The following XPR1 variants were observed in gnomAD, a reference collection of about 807,000 sequenced individuals.
XPR1 encodes the protein solute carrier family 53 member 1.
In XPR1, 28 loss-of-function variants were observed where a neutral mutation model predicts 87.5. The ratio of observed to expected loss-of-function variants is 0.32; its 90% CI spans 0.24 to 0.44. The LOEUF is 0.44. XPR1 is among the 20% of genes least tolerant of loss of function. The pLI is 1.00. For missense variants in XPR1, 559 were observed against 862.3 expected, an observed-to-expected ratio of 0.65 and a Z score of 4.41; for synonymous variants, 300 against 306.1, an observed-to-expected ratio of 0.98 and a Z score of 0.21.
chr1:180,670,275 C>G (rs1557948858), intron 1 of XPR1, among the ~76,000 whole-genome samples: 1 of 152,006 alleles, frequency 6.6e-6, no homozygotes, highest in Admixed American at 6.5e-5. Flanking sequence ...TTCCAATTTT[C>G]TATATTCTTT....
At chr1:180,691,074 A>G (rs1374912170) in intron 2 of XPR1, among the ~76,000 whole-genome samples, 1 of 152,020 alleles carries the variant, frequency 6.6e-6, no homozygotes, top group Non-Finnish European at 1.5e-5. Context: ...GATGACACAT[A>G]CGGTATTTTT....
chr1:180,752,619 T>C (rs1003077879), intron 2 of XPR1, among the ~76,000 whole-genome samples: 2 of 152,152 alleles, frequency 1.3e-5, no homozygotes, highest in African/African-American at 2.4e-5. Flanking sequence ...TACATCTTGT[T>C]TGGGGTGAAG....
chr1:180,738,403 A>G (rs1205042816), intron 2 of XPR1, among the ~76,000 whole-genome samples: 1 of 152,200 alleles, frequency 6.6e-6, no homozygotes, highest in East Asian at 1.9e-4. Context: ...GTTGCTCTGT[A>G]TCTTTATCAT....
intron 2 of XPR1, among the ~76,000 whole-genome samples, chr1:180,748,469 A>G (rs1289099668): frequency 3.6e-5 from 4 of 109,644 alleles, no homozygotes; most frequent in African/African-American, 1.4e-4. Flanking sequence ...ACCAGGCTGG[A>G]GTGCAATGGC....
chr1:180,757,822 T>G (rs937521705), intron 2 of XPR1, among the ~76,000 whole-genome samples: 4 of 147,924 alleles, frequency 2.7e-5, no homozygotes, highest in African/African-American at 1.0e-4. Context: ...CCTCACTGTC[T>G]TTTTGCTTAT....
At chr1:180,768,909 A>G (rs567724087) in intron 2 of XPR1, among the ~76,000 whole-genome samples, 50 of 152,318 alleles carry the variant, frequency 3.3e-4, no homozygotes, top group African/African-American at 1.0e-3. Flanking sequence ...CATTTATTGA[A>G]GGATGTTATG....
intron 2 of XPR1, among the ~76,000 whole-genome samples, chr1:180,684,645 G>C (rs540568947): frequency 6.6e-6 from 1 of 151,900 alleles, no homozygotes; most frequent in African/African-American, 2.4e-5. Context: ...CCATTTTTTT[G>C]TATCCTCTTT....
intron 3 of XPR1, among the ~76,000 whole-genome samples, chr1:180,800,935 A>C (rs937600918): frequency 6.6e-6 from 1 of 152,160 alleles, no homozygotes; most frequent in Non-Finnish European, 1.5e-5. Context: ...ACTAATATCA[A>C]GTATTTGGCC....
At chr1:180,632,665 G>A (rs1014513286) in intron 1 of XPR1, among the ~76,000 whole-genome samples, 10 of 152,216 alleles carry the variant, frequency 6.6e-5, no homozygotes, top group Non-Finnish European at 1.0e-4. Context: ...CCCCACCCTG[G>A]GCGAGCGCCC....
At chr1:180,637,750 C>T (rs1654833413) in intron 1 of XPR1, among the ~76,000 whole-genome samples, 5 of 152,160 alleles carry the variant, frequency 3.3e-5, no homozygotes, top group Admixed American at 3.3e-4. Context: ...GACAGGGCTT[C>T]ACCATGTTGG....
At chr1:180,640,884 T>TA (rs1461689549) in intron 1 of XPR1, among the ~76,000 whole-genome samples, 1 of 152,192 alleles carries the variant, frequency 6.6e-6, no homozygotes, top group Non-Finnish European at 1.5e-5. Context: ...CATGGAATGT[T>TA]AGACTTGTAA....
chr1:180,771,832 G>A (rs1019434812), intron 2 of XPR1, among the ~76,000 whole-genome samples: 1 of 152,046 alleles, frequency 6.6e-6, no homozygotes, highest in Non-Finnish European at 1.5e-5. Flanking sequence ...TTTATTGGTA[G>A]TATTAACCTT....
intron 1 of XPR1, among the ~76,000 whole-genome samples, chr1:180,644,512 T>C (rs762821417): frequency 3.9e-5 from 6 of 152,118 alleles, no homozygotes; most frequent in Non-Finnish European, 8.8e-5. Context: ...GTTTAGAGTT[T>C]AGTTGGATTC....
intron 12 of XPR1, among the ~76,000 whole-genome samples, chr1:180,873,324 A>G (rs925844495): frequency 2.0e-5 from 3 of 152,232 alleles, no homozygotes; most frequent in Non-Finnish European, 4.4e-5. Context: ...GCTTAATTTC[A>G]TTCACATCAA....
intron 2 of XPR1, among the ~76,000 whole-genome samples, chr1:180,683,872 A>G (rs1451991918): frequency 2.6e-5 from 4 of 151,920 alleles, no homozygotes; most frequent in African/African-American, 9.7e-5. Context: ...GCCCTTTGTC[A>G]GATGAGCAGG....
intron 3 of XPR1, among the ~76,000 whole-genome samples, chr1:180,792,814 T>C (rs965796407): frequency 4.6e-5 from 7 of 152,128 alleles, no homozygotes; most frequent in African/African-American, 1.2e-4. Context: ...AGTGGACAAG[T>C]GATCCAACTG....
At chr1:180,708,063 G>A (rs1657618846) in intron 2 of XPR1, among the ~76,000 whole-genome samples, 1 of 152,156 alleles carries the variant, frequency 6.6e-6, no homozygotes, top group Admixed American at 6.5e-5. Context: ...ACAATATTCG[G>A]CCAATATGAA....
At chr1:180,704,274 A>ATATATATATATATATATATT in intron 2 of XPR1, among the ~76,000 whole-genome samples, 1 of 141,682 alleles carries the variant, frequency 7.1e-6, no homozygotes, top group African/African-American at 2.6e-5. Flanking sequence ...ATATATATAT[A>ATATATATATATATATATATT]TATTATCAGA....
At chr1:180,645,303 G>A (rs1655084137) in intron 1 of XPR1, among the ~76,000 whole-genome samples, 1 of 152,228 alleles carries the variant, frequency 6.6e-6, no homozygotes, top group Non-Finnish European at 1.5e-5. Context: ...AGGTGATCAT[G>A]CACCAGCTGG....
Sources: gnomAD v4.1 joint callset for allele counts (sites outside exome capture counted in the v4.1 genomes callset) on GRCh38, gnomAD v4.1.1 for gene constraint, MANE v1.5 for transcripts, NCBI Gene and HGNC (gene_info 2026-07-23, HGNC 2026-07-21) for gene names.